The following PDGFD variants were observed in gnomAD, a reference collection of about 807,000 sequenced individuals.
PDGFD encodes platelet derived growth factor D, also known as platelet-derived growth factor D.
In PDGFD, 30 loss-of-function variants were observed where a neutral mutation model predicts 44.7. The observed-to-expected ratio is 0.67, with a 90% CI of 0.50 to 0.91. The LOEUF is 0.91. Ranked by LOEUF, PDGFD falls within the 40% of genes least tolerant of loss-of-function variation. PDGFD has a pLI of 0.00. For missense variants in PDGFD, 445 were observed against 457.8 expected (o/e 0.97, Z 0.25); for synonymous variants, 173 against 168.4 (o/e 1.03, Z -0.21).
At chr11:104,082,975 G>A (rs1236492148) in intron 1 of PDGFD, among the ~76,000 whole-genome samples, 1 of 152,028 alleles carries the variant, frequency 6.6e-6, no homozygotes, top group Non-Finnish European at 1.5e-5. Context: ...TACTAGCTGT[G>A]GCCAAAGTAC....
chr11:103,943,722 T>C, intron 4 of PDGFD, 72 bp from the exon 5 acceptor site: 5 of 1,310,614 alleles, frequency 3.8e-6, no homozygotes, highest in Non-Finnish European at 5.4e-6. Flanking sequence ...CATTCAACTA[T>C]ACGGAAGGAA....
At chr11:103,917,582 T>G (rs1858147162) in intron 6 of PDGFD, among the ~76,000 whole-genome samples, 1 of 152,206 alleles carries the variant, frequency 6.6e-6, no homozygotes, top group Non-Finnish European at 1.5e-5. Flanking sequence ...TTTGAATAAT[T>G]TGCACAGGCA....
chr11:104,127,219 T>A (rs1861854376), intron 1 of PDGFD, among the ~76,000 whole-genome samples: 1 of 152,144 alleles, frequency 6.6e-6, no homozygotes, highest in African/African-American at 2.4e-5. Context: ...AAGCCAGTTG[T>A]CTTTTCAGTG....
chr11:103,985,964 G>A (rs1321498812), intron 3 of PDGFD, among the ~76,000 whole-genome samples: 2 of 152,120 alleles, frequency 1.3e-5, no homozygotes, highest in African/African-American at 2.4e-5. Context: ...TTTCACAGAG[G>A]TGGCTCCATG....
chr11:104,017,265 G>C (rs1859872161), intron 1 of PDGFD, among the ~76,000 whole-genome samples: 1 of 152,188 alleles, frequency 6.6e-6, no homozygotes, highest in Non-Finnish European at 1.5e-5. Flanking sequence ...GCCACCTGGT[G>C]TGCGGTATTT....
intron 1 of PDGFD, among the ~76,000 whole-genome samples, chr11:104,124,105 C>T (rs1861812252): frequency 6.6e-6 from 1 of 151,928 alleles, no homozygotes; most frequent in Non-Finnish European, 1.5e-5. Flanking sequence ...GAGGAACAAT[C>T]AATAACATAC....
At chr11:104,048,703 G>C (rs1333012286) in intron 1 of PDGFD, among the ~76,000 whole-genome samples, 2 of 152,132 alleles carry the variant, frequency 1.3e-5, no homozygotes, top group Non-Finnish European at 2.9e-5. Context: ...TGAGACATAA[G>C]TCCAATTCGT....
chr11:103,962,833 C>A lies in PDGFD; in HGVS notation c.511-15109G>T, dbSNP rs75863837. Among the ~76,000 whole-genome samples the A allele has an allele frequency of 4.4e-3, 673 of 152,172 alleles. 5 individuals carry two copies. The highest frequency in any genetic ancestry group is 0.016 in the African/African-American group (659 of 41,524). On this transcript the variant is annotated intron_variant, in intron 3 of 6. Transcript: ENST00000393158. The stretch of plus-strand genomic sequence containing the variant: ...ATAATTCACATGAAACTATCTGGCT[C>A]AGGTAGACATTCATTACATTCTTTC...
At chr11:104,071,108 T>G (rs1035149538) in intron 1 of PDGFD, among the ~76,000 whole-genome samples, 1 of 150,046 alleles carries the variant, frequency 6.7e-6, no homozygotes. Flanking sequence ...AATCCCAGCA[T>G]AATATGAGAT....
chr11:104,049,310 G>C lies in PDGFD; in HGVS notation c.125-49055C>G, dbSNP rs187256652. Reference sequence around the variant, plus strand: ...AAAGGAGAACTTTTGAGAAAATCTGGGTAAAGCACATTTCAGGAAGAAAGA... The same window carrying C: ...AAAGGAGAACTTTTGAGAAAATCTGCGTAAAGCACATTTCAGGAAGAAAGA... On this transcript the variant is annotated intron_variant, in intron 1 of 6. Transcript: ENST00000393158. Among the ~76,000 whole-genome samples, 7 of 152,148 alleles carry C rather than the reference G, an allele frequency of 4.6e-5. No individual in the cohort carries two copies. The East Asian group carries it at 1.2e-3, about 25-fold the overall frequency.
At chr11:104,003,658 G>A (rs1173573921) in intron 1 of PDGFD, among the ~76,000 whole-genome samples, 1 of 152,230 alleles carries the variant, frequency 6.6e-6, no homozygotes, top group Non-Finnish European at 1.5e-5. Flanking sequence ...TTAGAGGAAT[G>A]TAAGTTTGGT....
At position 103,985,948 on chromosome 11, in the gene PDGFD, T is replaced by A. The variant is rs545313037; in HGVS notation, c.510+10117A>T. ...GATTACTTGATTATTTATTCATGTA[T>A]CTCTCTTTCACAGAGGTGGCTCCAT... On this transcript the variant is annotated intron_variant, in intron 3 of 6. Coordinates refer to ENST00000393158, the MANE Select transcript of PDGFD (RefSeq NM_025208.5). Among the ~76,000 whole-genome samples, 6 of 152,270 alleles carry A rather than the reference T, an allele frequency of 3.9e-5. No homozygotes were observed. The East Asian group carries it at 1.2e-3, about 29-fold the overall frequency.
chr11:104,050,713 C>T (rs952666205), intron 1 of PDGFD, among the ~76,000 whole-genome samples: 2 of 152,130 alleles, frequency 1.3e-5, no homozygotes, highest in Non-Finnish European at 2.9e-5. Flanking sequence ...GTCTGGGGTA[C>T]TCAATGTCCT....
chr11:104,158,789 G>A (rs1205816790), intron 1 of PDGFD, among the ~76,000 whole-genome samples: 5 of 151,472 alleles, frequency 3.3e-5, no homozygotes, highest in South Asian at 2.1e-4. Context: ...CCGAGATCTC[G>A]CCACAGCACT....
intron 1 of PDGFD, among the ~76,000 whole-genome samples, chr11:104,146,728 T>C (rs917424302): frequency 7.2e-5 from 11 of 152,116 alleles, no homozygotes; most frequent in East Asian, 3.9e-4. Flanking sequence ...CTGCTATGAG[T>C]TGGAGCTTCA....
intron 1 of PDGFD, among the ~76,000 whole-genome samples, chr11:104,044,728 A>T (rs1460808589): frequency 6.6e-6 from 1 of 152,094 alleles, no homozygotes; most frequent in Non-Finnish European, 1.5e-5. Flanking sequence ...TTTGCCTGGG[A>T]CTGTCCTGGT....
At chr11:104,048,954 A>T (rs116610351) in intron 1 of PDGFD, among the ~76,000 whole-genome samples, 2,429 of 152,244 alleles carry the variant, frequency 0.016, 76 homozygotes, top group African/African-American at 0.055. Flanking sequence ...ACAACAAAAA[A>T]CCTGTAAGAA....
At chr11:104,138,030 T>C (rs1862036558) in intron 1 of PDGFD, among the ~76,000 whole-genome samples, 1 of 152,130 alleles carries the variant, frequency 6.6e-6, no homozygotes, top group Non-Finnish European at 1.5e-5. Flanking sequence ...TCATCTTGTA[T>C]CCTCCACTTT....
At chr11:103,981,483 C>T (rs896074833) in intron 3 of PDGFD, among the ~76,000 whole-genome samples, 1 of 151,724 alleles carries the variant, frequency 6.6e-6, no homozygotes, top group African/African-American at 2.4e-5. Context: ...ATCTGTTGTA[C>T]ACAGACTGTG....
Sources: allele counts gnomAD v4.1 joint callset (sites outside exome capture counted in the v4.1 genomes callset), GRCh38; gene constraint gnomAD v4.1.1; transcripts MANE v1.5; gene names NCBI Gene and HGNC (gene_info 2026-07-23, HGNC 2026-07-21).